Variants in SWAP70 observed in about 807,000 individuals in gnomAD.
SWAP70 encodes the protein switching B cell complex subunit SWAP70, also known as switch-associated protein 70.
SWAP70 carries 34 observed loss-of-function variants against 80.2 expected under a neutral mutation model. The ratio of observed to expected loss-of-function variants is 0.42; its 90% CI spans 0.32 to 0.56. The LOEUF is 0.56. Ranked by LOEUF, SWAP70 falls within the 20% of genes least tolerant of loss-of-function variation. The pLI, the probability that SWAP70 is intolerant of heterozygous loss-of-function variation, is 0.09. For missense variants in SWAP70, 578 were observed against 690.7 expected, an observed-to-expected ratio of 0.84 and a Z score of 1.83; for synonymous variants, 239 against 238.5, an observed-to-expected ratio of 1.00 and a Z score of -0.02.
In SWAP70 at chr11:9,708,813, G is replaced by GCATAGATGGCATTCATCC. The variant is rs1402782143; in HGVS notation, c.241-4624_241-4607dup. Among the ~76,000 whole-genome samples, 19 of 152,246 alleles carry GCATAGATGGCATTCATCC rather than the reference G, an allele frequency of 1.2e-4. 1 individual carries two copies. The highest frequency in any genetic ancestry group is 9.7e-4 in the East Asian group (5 of 5,174). ...GTGGTGGTGGCCTTGGAAATGTTCTGCATAGATGGCATTCATCCCATAGAT... is the reference window on the plus strand; with the variant it reads ...GTGGTGGTGGCCTTGGAAATGTTCTGCATAGATGGCATTCATCCCATAGATGGCATTCATCCCATAGAT... On this transcript the variant is annotated intron_variant, in intron 2 of 11. Transcript: ENST00000318950.
intron 1 of SWAP70, among the ~76,000 whole-genome samples, chr11:9,664,660 C>T (rs529151317): frequency 2.0e-5 from 3 of 152,332 alleles, no homozygotes; most frequent in African/African-American, 7.2e-5. Flanking sequence ...CAGAATTTTC[C>T]TCTTACTCCA....
intron 1 of SWAP70, among the ~76,000 whole-genome samples, chr11:9,687,997 T>C (rs969750819): frequency 3.3e-5 from 5 of 152,214 alleles, no homozygotes; most frequent in Non-Finnish European, 7.3e-5. Context: ...AGGGCATCAC[T>C]GTGGGACAGA....
At chr11:9,731,311 G>A (rs1238739999) in intron 6 of SWAP70, among the ~76,000 whole-genome samples, 4 of 152,170 alleles carry the variant, frequency 2.6e-5, no homozygotes, top group African/African-American at 4.8e-5. Flanking sequence ...TTAAGAGTTC[G>A]AGGCAAATGC....
chr11:9,664,172 C>T lies in SWAP70; in HGVS notation c.-8C>T. 2 of 1,564,356 alleles carry T rather than the reference C, an allele frequency of 1.3e-6. No individual in the cohort carries two copies. The highest frequency in any genetic ancestry group is 1.4e-5 in the African/African-American group (1 of 73,096). On this transcript the variant is annotated 5_prime_UTR_variant, in exon 1 of 12. Coordinates refer to ENST00000318950, the MANE Select transcript of SWAP70 (RefSeq NM_015055.4). ...AGGAGGGGTTGGCGGGGCAGCAGGGCCGCGGCCATGGGGAGCTTGAAGGAG... is the reference window on the plus strand; with the variant it reads ...AGGAGGGGTTGGCGGGGCAGCAGGGTCGCGGCCATGGGGAGCTTGAAGGAG...
intron 7 of SWAP70, 148 bp from the exon 8 acceptor site, chr11:9,738,065 A>G: frequency 2.2e-6 from 1 of 464,884 alleles, no homozygotes; most frequent in Non-Finnish European, 3.8e-6. Context: ...CTGGAATTCT[A>G]ATGGAGCTAA....
intron 2 of SWAP70, among the ~76,000 whole-genome samples, chr11:9,708,433 C>T (rs995019526): frequency 1.3e-5 from 2 of 152,024 alleles, no homozygotes; most frequent in African/African-American, 2.4e-5. Flanking sequence ...GTTGGCTGTT[C>T]GTATATATTA....
At position 9,740,360 on chromosome 11, in the gene SWAP70, T is replaced by C; in HGVS notation, c.1355+13T>C. On this transcript the variant is annotated intron_variant, in intron 9 of 11. Transcript: ENST00000318950. ...AGCTTCAGGCCAGGTGCCAGATTTG[T>C]TTGCAGACTTTGCCTTTATGTACTT... is the stretch of plus-strand genomic sequence containing the variant. The C allele has an allele frequency of 6.2e-7, 1 of 1,614,040 alleles. No individual in the cohort carries two copies. Among genetic ancestry groups the C allele is most frequent in the Non-Finnish European group, 8.5e-7 (1 of 1,179,890 alleles).
chr11:9,709,587 C>T (rs530722695), intron 2 of SWAP70, among the ~76,000 whole-genome samples: 47 of 152,150 alleles, frequency 3.1e-4, no homozygotes, highest in Admixed American at 9.2e-4. Context: ...TGTAGTAGTG[C>T]GATCTCCCAC....
At chr11:9,748,982 A>G in intron 10 of SWAP70, 105 bp from the exon 11 acceptor site, 1 of 557,946 alleles carries the variant, frequency 1.8e-6, no homozygotes. Context: ...CTATGAGAGG[A>G]TTTAATGAGA....
rs114132758 is a variant in SWAP70, at chr11:9,746,442, G to A, written c.1356-1416G>A. Among the ~76,000 whole-genome samples, 631 of 152,272 alleles carry A rather than the reference G, an allele frequency of 4.1e-3. 4 individuals are homozygous for A. The highest frequency in any genetic ancestry group is 0.014 in the African/African-American group (592 of 41,556). ...CCAGTGCCTAGAAAAGCACGTAGAA[G>A]GCACATAAAAAATACACATCAACTG... is the stretch of plus-strand genomic sequence containing the variant. On this transcript the variant is annotated intron_variant, in intron 9 of 11. Coordinates refer to ENST00000318950, the MANE Select transcript of SWAP70 (RefSeq NM_015055.4).
Position 9,740,291 on chromosome 11 carries a change from T to G in SWAP70, c.1299T>G (p.Leu433=). ...TGTACCTAAAGCTGCAGGAGGCTCT[T>G]GAAGATGAGAGACAGGCCCGGCAAG... ...EDMYLKLQEA[L]EDERQARQDE... is the part of the protein sequence containing the mutation. Residue 433 remains leucine (L), a synonymous_variant, in exon 9 of 12, where the codon CTT becomes CTG. Coordinates refer to ENST00000318950, the MANE Select transcript of SWAP70 (RefSeq NM_015055.4). 1 of 1,614,204 alleles carries G rather than the reference T, an allele frequency of 6.2e-7. No individual in the cohort carries two copies. Among genetic ancestry groups the G allele is most frequent in the Non-Finnish European group, 8.5e-7 (1 of 1,180,032 alleles).
intron 1 of SWAP70, among the ~76,000 whole-genome samples, chr11:9,685,738 A>G (rs1850623036): frequency 6.6e-6 from 1 of 152,086 alleles, no homozygotes; most frequent in Non-Finnish European, 1.5e-5. Context: ...GGTTCAAGCA[A>G]TTCTCCTGCC....
intron 1 of SWAP70, among the ~76,000 whole-genome samples, chr11:9,689,413 A>G (rs1242060975): frequency 6.6e-6 from 1 of 152,234 alleles, no homozygotes; most frequent in Admixed American, 6.5e-5. Context: ...GCTATGAGGG[A>G]ACTGGAGAGA....
At chr11:9,718,668 T>C (rs1320421119) in intron 3 of SWAP70, among the ~76,000 whole-genome samples, 1 of 134,278 alleles carries the variant, frequency 7.4e-6, no homozygotes, top group Non-Finnish European at 1.7e-5. Flanking sequence ...TATAGGTGGG[T>C]TTAACTTGTT....
intron 1 of SWAP70, among the ~76,000 whole-genome samples, chr11:9,687,943 A>C (rs1031939191): frequency 6.6e-6 from 1 of 152,180 alleles, no homozygotes; most frequent in Non-Finnish European, 1.5e-5. Flanking sequence ...GAATGACCCA[A>C]TCTTGAAGGA....
intron 2 of SWAP70, among the ~76,000 whole-genome samples, chr11:9,702,408 TTTG>T (rs1368147034): frequency 8.7e-5 from 11 of 126,874 alleles, no homozygotes; most frequent in Non-Finnish European, 1.4e-4. Flanking sequence ...TGGGTTTTGT[TTTG>T]TTTTTTTTTT....
chr11:9,728,237 G>C (rs199978111), intron 5 of SWAP70, 38 bp downstream of exon 5: 25 of 1,532,260 alleles, frequency 1.6e-5, no homozygotes, highest in Non-Finnish European at 2.0e-5. Flanking sequence ...ATTACCCCGT[G>C]CTGCCCCCTG....
At chr11:9,738,360 C>G (rs1448333550) in intron 8 of SWAP70, 40 bp downstream of exon 8, 1 of 1,491,980 alleles carries the variant, frequency 6.7e-7, no homozygotes. Context: ...TGCAGTAGCT[C>G]AGCCTGGGTC....
At chr11:9,665,804 G>T (rs1396189153) in intron 1 of SWAP70, among the ~76,000 whole-genome samples, 1 of 152,146 alleles carries the variant, frequency 6.6e-6, no homozygotes, top group Non-Finnish European at 1.5e-5. Flanking sequence ...CAGTTCGGGG[G>T]AGTTATGAGT....
Sources: allele counts gnomAD v4.1 joint callset (sites outside exome capture counted in the v4.1 genomes callset), GRCh38; gene constraint gnomAD v4.1.1; transcripts MANE v1.5; gene names NCBI Gene and HGNC (gene_info 2026-07-23, HGNC 2026-07-21).